CLDN16: variants seen among roughly 807,000 people sequenced by gnomAD.
The protein encoded by CLDN16 is claudin 16, also known as claudin-16.
In CLDN16, 13 loss-of-function variants were observed where a neutral mutation model predicts 24.6. The observed-to-expected ratio is 0.53, with a 90% CI of 0.34 to 0.84. CLDN16 has a LOEUF of 0.84. Among genes scored for constraint, CLDN16 ranks in the 40% least tolerant of loss-of-function variants. The pLI is 0.01. For missense variants in CLDN16, 298 were observed against 292.7 expected (o/e 1.02, Z -0.13); for synonymous variants, 116 against 106.7 (o/e 1.09, Z -0.54).
chr3:190,304,225 T>C, the CLDN16 span, among the ~76,000 whole-genome samples: 1 of 152,292 alleles, frequency 6.6e-6, no homozygotes, highest in South Asian at 2.1e-4. Flanking sequence ...GCCTTCATTT[T>C]ATGAATGAAG....
chr3:190,322,066 G>A, upstream of CLDN16: 2 of 1,614,192 alleles, frequency 1.2e-6, no homozygotes, highest in Non-Finnish European at 8.5e-7. Context: ...ACAGCCCCTC[G>A]TACATGGCCT....
At chr3:190,296,093 A>G in the CLDN16 span, among the ~76,000 whole-genome samples, 1 of 152,194 alleles carries the variant, frequency 6.6e-6, no homozygotes. Flanking sequence ...ATTATACATT[A>G]GTTTATTAAT....
intron 1 of CLDN16, among the ~76,000 whole-genome samples, chr3:190,360,706 T>C (rs1227299266): frequency 6.6e-6 from 1 of 151,952 alleles, no homozygotes; most frequent in South Asian, 2.1e-4. Context: ...TTTTCTCGGA[T>C]TAACTTTTTT....
In CLDN16 at chr3:190,410,869, C is replaced by T. The variant is rs1719259307; in HGVS notation, c.*833C>T. The T allele has an allele frequency of 6.6e-6, 1 of 152,184 alleles. No homozygotes were observed. The highest frequency in any genetic ancestry group is 6.5e-5 in the Admixed American group (1 of 15,278). 9.4% of individuals were successfully genotyped at this position (152,184 alleles called of 1,614,324 possible). ...ATTCATCAATTCAAGTGCCCACACA[C>T]CACTGAATCATCAGCACCAAGCAAT... On this transcript the variant is annotated 3_prime_UTR_variant, in exon 5 of 5. Transcript: ENST00000264734.
At chr3:190,330,136 T>C (rs377083220) in intron 1 of CLDN16, among the ~76,000 whole-genome samples, 1 of 152,100 alleles carries the variant, frequency 6.6e-6, no homozygotes, top group East Asian at 1.9e-4. Flanking sequence ...AAATTGAGAA[T>C]ATAGTACCTA....
intron 1 of CLDN16, among the ~76,000 whole-genome samples, chr3:190,397,554 G>A (rs1262232767): frequency 2.6e-5 from 4 of 152,162 alleles, no homozygotes; most frequent in African/African-American, 9.7e-5. Flanking sequence ...ATAAGTAAAT[G>A]AAGATGATAA....
At chr3:190,347,865 T>C (rs1033094950) in intron 1 of CLDN16, among the ~76,000 whole-genome samples, 1 of 151,972 alleles carries the variant, frequency 6.6e-6, no homozygotes, top group Non-Finnish European at 1.5e-5. Context: ...AGTGATGATC[T>C]TGTAGTTTGT....
intron 1 of CLDN16, among the ~76,000 whole-genome samples, chr3:190,398,994 T>G (rs910990843): frequency 1.3e-5 from 2 of 152,166 alleles, no homozygotes; most frequent in Non-Finnish European, 2.9e-5. Context: ...TATCATTAGA[T>G]TTTTTGATCT....
At chr3:190,409,810 C>A in intron 4 of CLDN16, 93 bp from the exon 5 acceptor site, 1 of 1,194,462 alleles carries the variant, frequency 8.4e-7, no homozygotes, top group Non-Finnish European at 1.2e-6. Context: ...TATCTATATT[C>A]TTGTTCCTTT....
Position 190,330,042 on chromosome 3 carries a change from C to CT in CLDN16, n.121+7381_121+7382insT, listed in dbSNP as rs1211134489. 1.3e-4 allele frequency among the ~76,000 whole-genome samples: 19 copies of CT among 142,536 alleles called. 1 individual carries two copies. Among genetic ancestry groups the CT allele is most frequent in the African/African-American group, 4.7e-4 (19 of 40,700 alleles). 93.5% of individuals were successfully genotyped at this position (142,536 alleles called of 152,430 possible). On this transcript the variant is annotated intron_variant and non_coding_transcript_variant, in intron 1 of 4. Coordinates refer to the CLDN16 transcript ENST00000468220. ...TAGAAGAAATATCTCAACCGTCCCC[C>CT]CTCCACCAGCATCACTTAATCATAT...
chr3:190,366,983 G>C (rs1224599065), intron 1 of CLDN16, among the ~76,000 whole-genome samples: 1 of 151,924 alleles, frequency 6.6e-6, no homozygotes, highest in African/African-American at 2.4e-5. Context: ...CCCCAAAGCA[G>C]CATGTGGGAG....
chr3:190,389,696 A>G (rs1718601106), intron 1 of CLDN16, among the ~76,000 whole-genome samples: 1 of 152,210 alleles, frequency 6.6e-6, no homozygotes, highest in African/African-American at 2.4e-5. Flanking sequence ...TTATCTGGCC[A>G]TGAATATATG....
intron 1 of CLDN16, among the ~76,000 whole-genome samples, chr3:190,368,448 A>G (rs1718068703): frequency 6.6e-6 from 1 of 151,984 alleles, no homozygotes; most frequent in African/African-American, 2.4e-5. Context: ...TGATCCATAG[A>G]AAGAAATGAT....
chr3:190,367,158 A>T (rs1354641802), intron 1 of CLDN16, among the ~76,000 whole-genome samples: 2 of 151,916 alleles, frequency 1.3e-5, no homozygotes, highest in African/African-American at 4.8e-5. Context: ...AAAGAAATGA[A>T]TATTCTTTTC....
the CLDN16 span, among the ~76,000 whole-genome samples, chr3:190,303,659 A>C: frequency 0.64 from 96,740 of 152,056 alleles, 31,453 homozygotes; most frequent in African/African-American, 0.76. Flanking sequence ...TGCACATTAA[A>C]GAGAATAACT....
At chr3:190,352,732 A>C (rs1468706840) in intron 1 of CLDN16, among the ~76,000 whole-genome samples, 1 of 151,968 alleles carries the variant, frequency 6.6e-6, no homozygotes, top group Admixed American at 6.6e-5. Context: ...TTGCTTTCAG[A>C]ATAGTTTGGG....
rs557921621 is a variant in CLDN16, at chr3:190,371,917, T to C, written n.230+916T>C. The stretch of plus-strand genomic sequence containing the variant: ...CTGCTGTCCCAGGTCACCGAACATC[T>C]ACCTGGCTGGGCTGTTGACTGCCCT... On this transcript the variant is annotated intron_variant and non_coding_transcript_variant, in intron 2 of 4. Transcript: ENST00000468220. Among the ~76,000 whole-genome samples the C allele has an allele frequency of 3.0e-4, 45 of 152,056 alleles. 1 individual carries two copies. The highest frequency in any genetic ancestry group is 1.0e-3 in the African/African-American group (43 of 41,540).
chr3:190,352,686 A>G (rs1717693993), intron 1 of CLDN16, among the ~76,000 whole-genome samples: 1 of 152,104 alleles, frequency 6.6e-6, no homozygotes, highest in Non-Finnish European at 1.5e-5. Context: ...AAAAGCTACT[A>G]TTCTAGAACA....
At chr3:190,367,964 A>G (rs1225246469) in intron 1 of CLDN16, among the ~76,000 whole-genome samples, 1 of 151,812 alleles carries the variant, frequency 6.6e-6, no homozygotes, top group Non-Finnish European at 1.5e-5. Flanking sequence ...TATCCTTTCC[A>G]GAAATCTCTG....
Sources: allele counts gnomAD v4.1 joint callset (sites outside exome capture counted in the v4.1 genomes callset), GRCh38; gene constraint gnomAD v4.1.1; transcripts MANE v1.5; gene names NCBI Gene and HGNC (gene_info 2026-07-23, HGNC 2026-07-21).